SYNPR: variants seen among roughly 807,000 people sequenced by gnomAD.
SYNPR encodes synaptoporin.
SYNPR carries 23 observed loss-of-function variants against 32.9 expected under a neutral mutation model. The ratio of observed to expected loss-of-function variants is 0.70; its 90% CI spans 0.50 to 0.99. The LOEUF (loss-of-function observed/expected upper bound fraction) is 0.99. Ranked by LOEUF, SYNPR falls within the 50% of genes least tolerant of loss-of-function variation. The pLI, the probability that SYNPR is intolerant of heterozygous loss-of-function variation, is 0.00. For missense variants in SYNPR, 318 were observed against 349.3 expected, an observed-to-expected ratio of 0.91 and a Z score of 0.71; for synonymous variants, 146 against 135.9, an observed-to-expected ratio of 1.07 and a Z score of -0.52.
At chr3:63,211,815 C>A in the SYNPR span, among the ~76,000 whole-genome samples, 1 of 112,156 alleles carries the variant, frequency 8.9e-6, no homozygotes, top group South Asian at 3.0e-4. Context: ...CCCACTAACG[C>A]ATCATCTAGC....
chr3:63,398,655 C>G (rs2088250364), intron 2 of SYNPR, among the ~76,000 whole-genome samples: 1 of 151,602 alleles, frequency 6.6e-6, no homozygotes, highest in Admixed American at 6.6e-5. Flanking sequence ...GGAGGCGGAG[C>G]TTGCAGTGAG....
At chr3:63,295,933 G>T (rs1353181638) in intron 2 of SYNPR, among the ~76,000 whole-genome samples, 1 of 152,174 alleles carries the variant, frequency 6.6e-6, no homozygotes, top group Non-Finnish European at 1.5e-5. Context: ...TTTTGGGAGA[G>T]ATTCAGTTTC....
chr3:63,519,762 G>T lies in SYNPR; in HGVS notation c.210-36781G>T, dbSNP rs911737146. 2.6e-5 allele frequency among the ~76,000 whole-genome samples: 4 copies of T among 152,180 alleles called. 1 individual carries two copies. The East Asian group carries it at 7.7e-4, about 29-fold the overall frequency. On this transcript the variant is annotated intron_variant, in intron 3 of 5. Coordinates refer to ENST00000478300, the MANE Select transcript of SYNPR (RefSeq NM_001130003.2). Reference sequence around the variant, plus strand: ...CATGCTCAATTAATATGTATAATGAGTTGAATGCATTGTATTTGTCCCCCG... The same window carrying T: ...CATGCTCAATTAATATGTATAATGATTTGAATGCATTGTATTTGTCCCCCG...
chr3:63,601,331 G>T (rs1700038786), intron 4 of SYNPR, among the ~76,000 whole-genome samples: 1 of 151,552 alleles, frequency 6.6e-6, no homozygotes. Flanking sequence ...ACCCTTTGAT[G>T]TAAAAATTCT....
rs559227965 is a variant in SYNPR at position 63,318,992 on chromosome 3, T to C, written c.84+40250T>C. ...TCTCCCCCTTTCCTATGGATGTGGC[T>C]TCCTGTGAGCCAAACTGCAGTGATT... is the stretch of plus-strand genomic sequence containing the variant. On this transcript the variant is annotated intron_variant, in intron 2 of 5. Coordinates refer to ENST00000478300, the MANE Select transcript of SYNPR (RefSeq NM_001130003.2). Among the ~76,000 whole-genome samples the C allele has an allele frequency of 1.4e-4, 22 of 152,142 alleles. No homozygotes were observed. The South Asian group carries it at 4.4e-3, about 30-fold the overall frequency.
chr3:63,464,580 C>T (rs1700644397), intron 2 of SYNPR, among the ~76,000 whole-genome samples: 1 of 152,122 alleles, frequency 6.6e-6, no homozygotes, highest in African/African-American at 2.4e-5. Flanking sequence ...CTTCTCGGAG[C>T]CCCATCCAAT....
rs1179239636 is a variant in SYNPR, at chr3:63,321,543, T to C, written c.84+42801T>C. 2.6e-5 allele frequency among the ~76,000 whole-genome samples: 4 copies of C among 152,080 alleles called. No individual in the cohort carries two copies. The East Asian group carries it at 7.8e-4, about 29-fold the overall frequency. On this transcript the variant is annotated intron_variant, in intron 2 of 5. Coordinates refer to ENST00000478300, the MANE Select transcript of SYNPR (RefSeq NM_001130003.2). ...AAGCCCCTGAATACAGAATACCATG[T>C]GTGTCAATATCCCCTGTAAATTGGC...
chr3:63,530,889 G>C (rs17398442), intron 3 of SYNPR, among the ~76,000 whole-genome samples: 18,269 of 152,226 alleles, frequency 0.12, 1,258 homozygotes, highest in Middle Eastern at 0.23. Context: ...CCTTGAAAGA[G>C]ACAGCTATTC....
the SYNPR span, among the ~76,000 whole-genome samples, chr3:63,211,093 G>C: frequency 2.0e-5 from 3 of 152,110 alleles, no homozygotes; most frequent in East Asian, 5.8e-4. Flanking sequence ...TTCTGAAATG[G>C]AGTCTCACTT....
At chr3:63,528,830 T>C (rs1333111234) in intron 3 of SYNPR, among the ~76,000 whole-genome samples, 1 of 152,210 alleles carries the variant, frequency 6.6e-6, no homozygotes, top group Non-Finnish European at 1.5e-5. Context: ...GGTGCAATTC[T>C]GTTTCCTCTA....
chr3:63,294,864 A>G (rs1365904220), intron 2 of SYNPR, among the ~76,000 whole-genome samples: 1 of 152,164 alleles, frequency 6.6e-6, no homozygotes, highest in African/African-American at 2.4e-5. Flanking sequence ...CTTTTCTGAA[A>G]TTGCACTTCA....
Position 63,479,446 on chromosome 3 carries a change from G to GCGCGCGCGCACACACACACA in SYNPR, c.85-1385_85-1384insGCGCGCGCACACACACACAC, listed in dbSNP as rs6147854. ...AGTCACTTAAAACTGCCACACACAT[G>GCGCGCGCGCACACACACACA]CACACACACATACACACACACACAC... On this transcript the variant is annotated intron_variant, in intron 2 of 5. Coordinates refer to ENST00000478300, the MANE Select transcript of SYNPR (RefSeq NM_001130003.2). Among the ~76,000 whole-genome samples the GCGCGCGCGCACACACACACA allele has an allele frequency of 2.0e-3, 267 of 135,850 alleles. 2 individuals carry two copies. Among genetic ancestry groups the GCGCGCGCGCACACACACACA allele is most frequent in the South Asian group, 6.2e-3 (29 of 4,704 alleles). The allele number at this position is 135,850 out of a possible 152,430, so 89.1% of individuals were successfully genotyped here.
At chr3:63,564,495 G>GGTGT (rs34157684) in intron 4 of SYNPR, among the ~76,000 whole-genome samples, 5 of 149,826 alleles carry the variant, frequency 3.3e-5, no homozygotes, top group East Asian at 2.0e-4. Flanking sequence ...GTGCCCAGCC[G>GGTGT]GTGTGTGTGT....
At chr3:63,530,167 G>GA (rs368812832) in intron 3 of SYNPR, among the ~76,000 whole-genome samples, 37 of 151,016 alleles carry the variant, frequency 2.5e-4, no homozygotes, top group African/African-American at 9.7e-5. Flanking sequence ...AAAGGAAGGG[G>GA]AAAAAAAAAC....
At chr3:63,206,156 C>A in the SYNPR span, among the ~76,000 whole-genome samples, 4 of 152,260 alleles carry the variant, frequency 2.6e-5, no homozygotes, top group South Asian at 8.3e-4. Context: ...CTTACTTAGG[C>A]TTTCTGAGAC....
intron 2 of SYNPR, among the ~76,000 whole-genome samples, chr3:63,327,675 C>T (rs1425287121): frequency 1.3e-5 from 2 of 152,044 alleles, no homozygotes; most frequent in African/African-American, 4.8e-5. Flanking sequence ...GCAAAAGAAA[C>T]TAGATACAAA....
chr3:63,365,367 G>C (rs1334197568), intron 2 of SYNPR, among the ~76,000 whole-genome samples: 1 of 152,084 alleles, frequency 6.6e-6, no homozygotes, highest in African/African-American at 2.4e-5. Context: ...GTGGGGGTGG[G>C]TTGTGGTGGG....
chr3:63,300,807 C>G (rs2086838155), intron 2 of SYNPR, among the ~76,000 whole-genome samples: 1 of 152,094 alleles, frequency 6.6e-6, no homozygotes, highest in Non-Finnish European at 1.5e-5. Context: ...GCTCCTTCCC[C>G]TGCTCTATCC....
chr3:63,413,984 G>A (rs539532520), intron 2 of SYNPR, among the ~76,000 whole-genome samples: 18 of 149,574 alleles, frequency 1.2e-4, no homozygotes, highest in African/African-American at 4.4e-4. Context: ...AAGAGGAGAG[G>A]GAAAAAAATA....
Sources: gnomAD v4.1 joint callset for allele counts (sites outside exome capture counted in the v4.1 genomes callset) on GRCh38, gnomAD v4.1.1 for gene constraint, MANE v1.5 for transcripts, NCBI Gene and HGNC (gene_info 2026-07-23, HGNC 2026-07-21) for gene names.